Variants in RAB6A observed in about 807,000 individuals in gnomAD.
RAB6A encodes RAB6A, member RAS oncogene family, also known as ras-related protein Rab-6A.
RAB6A carries 8 observed loss-of-function variants against 32.3 expected under a neutral mutation model. The ratio of observed to expected loss-of-function variants is 0.25; its 90% CI spans 0.15 to 0.45. The LOEUF (loss-of-function observed/expected upper bound fraction) is 0.45, where lower values mean the gene tolerates loss of function less well. Ranked by LOEUF, RAB6A falls within the 20% of genes least tolerant of loss-of-function variation. The pLI, the probability that RAB6A is intolerant of heterozygous loss-of-function variation, is 1.00. For synonymous variants in RAB6A, 73 were observed against 82.1 expected (o/e 0.89, Z 0.60); for missense variants, 104 against 249.4 (o/e 0.42, Z 3.93).
intron 1 of RAB6A, among the ~76,000 whole-genome samples, chr11:73,753,907 T>C (rs1337538819): frequency 2.0e-5 from 3 of 152,114 alleles, no homozygotes. Context: ...TCCTTAAAAG[T>C]AAGCACTACC....
intron 2 of RAB6A, among the ~76,000 whole-genome samples, chr11:73,724,963 C>T (rs11823400): frequency 0.017 from 2,658 of 152,078 alleles, 79 homozygotes; most frequent in African/African-American, 0.06. Context: ...ACAAAAACTC[C>T]AGGAAATAAA....
intron 6 of RAB6A, among the ~76,000 whole-genome samples, chr11:73,701,406 A>G (rs977571044): frequency 2.0e-5 from 3 of 152,266 alleles, no homozygotes; most frequent in South Asian, 4.1e-4. Context: ...TTTACCTCAG[A>G]AAGTCCTGAA....
rs1006450062 is a variant in RAB6A, at chr11:73,677,349, T to G, written c.*549A>C. 4 of 171,276 alleles carry G rather than the reference T, an allele frequency of 2.3e-5. No individual in the cohort carries two copies. Among genetic ancestry groups the G allele is most frequent in the African/African-American group, 9.6e-5 (4 of 41,546 alleles). The allele number at this position is 171,276 out of a possible 1,614,324, so 10.6% of individuals were successfully genotyped here. A position where few individuals can be genotyped will look rare whatever the true frequency, so the allele number is the denominator to read the frequency against. On this transcript the variant is annotated 3_prime_UTR_variant, in exon 8 of 8. Coordinates refer to ENST00000336083, the MANE Select transcript of RAB6A (RefSeq NM_198896.2). ...GTGCTCAAGAATAATTTTGGACATC[T>G]TGGTCCGTAGCCTACAGCAAGTGGT...
chr11:73,708,969 A>T (rs1945894669), intron 5 of RAB6A, among the ~76,000 whole-genome samples: 1 of 152,070 alleles, frequency 6.6e-6, no homozygotes, highest in African/African-American at 2.4e-5. Flanking sequence ...TAACACTCCA[A>T]CTGTTAAGAT....
intron 1 of RAB6A, among the ~76,000 whole-genome samples, chr11:73,744,496 G>T (rs1379203214): frequency 8.8e-6 from 1 of 114,100 alleles, no homozygotes. Context: ...GGGCAACAGA[G>T]TGAGACCCTG....
At chr11:73,696,602 T>G (rs1945659808) in intron 6 of RAB6A, among the ~76,000 whole-genome samples, 1 of 152,086 alleles carries the variant, frequency 6.6e-6, no homozygotes, top group East Asian at 1.9e-4. Context: ...AACAGATCAT[T>G]TTTTACAGAA....
intron 1 of RAB6A, among the ~76,000 whole-genome samples, chr11:73,742,668 G>A: frequency 6.6e-6 from 1 of 152,140 alleles, no homozygotes; most frequent in Admixed American, 6.5e-5. Flanking sequence ...AAAATTAGCT[G>A]GGCGTGGTAG....
At chr11:73,759,941 ACCCC>A in intron 1 of RAB6A, 1 of 930,458 alleles carries the variant, frequency 1.1e-6, no homozygotes, top group Admixed American at 2.7e-5. Context: ...ACCCCCAACC[ACCCC>A]ATGCTCAAGT....
intron 1 of RAB6A, among the ~76,000 whole-genome samples, chr11:73,739,722 C>T (rs936213580): frequency 6.6e-6 from 1 of 152,118 alleles, no homozygotes; most frequent in East Asian, 1.9e-4. Flanking sequence ...TTGAAGGATA[C>T]CTAGGATTCA....
At chr11:73,682,438 T>C (rs1024359934) in intron 6 of RAB6A, among the ~76,000 whole-genome samples, 17 of 151,950 alleles carry the variant, frequency 1.1e-4, no homozygotes, top group African/African-American at 3.9e-4. Context: ...CTGAGGCGGG[T>C]GGATCACGAG....
chr11:73,744,702 C>T (rs1025567553), intron 1 of RAB6A, among the ~76,000 whole-genome samples: 18 of 152,056 alleles, frequency 1.2e-4, no homozygotes, highest in African/African-American at 3.9e-4. Context: ...TGGGGCTGGG[C>T]GCGGTGGCTT....
At chr11:73,714,941 G>C (rs1399449122) in intron 5 of RAB6A, among the ~76,000 whole-genome samples, 1 of 152,108 alleles carries the variant, frequency 6.6e-6, no homozygotes, top group Middle Eastern at 3.2e-3. Flanking sequence ...ATTCCAGCCT[G>C]GGCGACGGAA....
At chr11:73,757,125 ATATATTTTTTTT>A (rs1946770235) in intron 1 of RAB6A, among the ~76,000 whole-genome samples, 1 of 46,138 alleles carries the variant, frequency 2.2e-5, no homozygotes, top group African/African-American at 1.1e-4. Context: ...ATATATATAT[ATATATTTTTTTT>A]TTTTTTTTTT....
intron 6 of RAB6A, among the ~76,000 whole-genome samples, chr11:73,701,571 G>C (rs555871991): frequency 6.6e-6 from 1 of 152,232 alleles, no homozygotes; most frequent in Non-Finnish European, 1.5e-5. Flanking sequence ...GGTAATAGCA[G>C]AGCAGCTTGT....
intron 6 of RAB6A, among the ~76,000 whole-genome samples, chr11:73,680,305 A>G (rs889848534): frequency 2.6e-5 from 4 of 152,202 alleles, no homozygotes; most frequent in Non-Finnish European, 5.9e-5. Context: ...ACGCAGAAAA[A>G]GGACAGATCA....
At chr11:73,731,724 A>ATTTTCTTTTT (rs1472358703) in intron 1 of RAB6A, among the ~76,000 whole-genome samples, 1 of 9,660 alleles carries the variant, frequency 1.0e-4, no homozygotes, top group Non-Finnish European at 2.4e-4. Context: ...ATATATATAT[A>ATTTTCTTTTT]TATATATACA....
rs5792626 is a variant in RAB6A, at chr11:73,689,895, CAAAAAAAAAA to C, written c.496-10185_496-10176del. Among the ~76,000 whole-genome samples the C allele has an allele frequency of 1.1e-4, 7 of 60,962 alleles. No individual in the cohort carries two copies. In the East Asian group the frequency reaches 4.0e-3, roughly 35 times the overall value. 40.0% of individuals were successfully genotyped at this position (60,962 alleles called of 152,430 possible). A position where few individuals can be genotyped will look rare whatever the true frequency, so the allele number is the denominator to read the frequency against. The stretch of plus-strand genomic sequence containing the variant: ...TGGGCAACACAGTGAGACTCCGTCT[CAAAAAAAAAA>C]AAAAAAAAAAAAGACCGACTCAGGC... On this transcript the variant is annotated intron_variant, in intron 6 of 7. Transcript: ENST00000336083.
intron 6 of RAB6A, among the ~76,000 whole-genome samples, chr11:73,689,895 C>CAAAAAAAA (rs5792626): frequency 3.3e-5 from 2 of 60,960 alleles, no homozygotes; most frequent in Admixed American, 1.8e-4. Flanking sequence ...GACTCCGTCT[C>CAAAAAAAA]AAAAAAAAAA....
chr11:73,696,055 C>T (rs1945650383), intron 6 of RAB6A, among the ~76,000 whole-genome samples: 2 of 152,014 alleles, frequency 1.3e-5, no homozygotes, highest in Non-Finnish European at 2.9e-5. Context: ...GCAGAAATAC[C>T]ACCCTTCAAA....
Sources: gnomAD v4.1 joint callset for allele counts (sites outside exome capture counted in the v4.1 genomes callset) on GRCh38, gnomAD v4.1.1 for gene constraint, MANE v1.5 for transcripts, NCBI Gene and HGNC (gene_info 2026-07-23, HGNC 2026-07-21) for gene names.